Variants in PPARGC1A observed in about 807,000 individuals in gnomAD.
The protein encoded by PPARGC1A is peroxisome proliferator-activated receptor gamma coactivator 1-alpha.
PPARGC1A carries 25 observed loss-of-function variants against 88.7 expected under a neutral mutation model. That is an observed-to-expected ratio of 0.28 (90% CI 0.21 to 0.39). The LOEUF (loss-of-function observed/expected upper bound fraction) is 0.39, where lower values mean the gene tolerates loss of function less well. Ranked by LOEUF, PPARGC1A falls within the 10% of genes least tolerant of loss-of-function variation. The pLI is 1.00. For synonymous variants in PPARGC1A, 363 were observed against 355.6 expected, an observed-to-expected ratio of 1.02 and a Z score of -0.24; for missense variants, 880 against 968.7, an observed-to-expected ratio of 0.91 and a Z score of 1.22.
At chr4:23,893,564 T>C (rs1043129919), upstream of PPARGC1A, among the ~76,000 whole-genome samples, 5 of 152,306 alleles carry the variant, frequency 3.3e-5, no homozygotes, top group South Asian at 1.0e-3. Context: ...GAGATGTGTC[T>C]ACTGTGATAT....
At chr4:24,180,918 A>G in the PPARGC1A span, among the ~76,000 whole-genome samples, 3 of 152,224 alleles carry the variant, frequency 2.0e-5, no homozygotes, top group Non-Finnish European at 4.4e-5. Context: ...ATTTAAAGCC[A>G]TTCTTCCTGT....
the PPARGC1A span, among the ~76,000 whole-genome samples, chr4:24,222,759 A>G: frequency 6.6e-6 from 1 of 152,184 alleles, no homozygotes; most frequent in Non-Finnish European, 1.5e-5. Flanking sequence ...TCAGCCAAAG[A>G]CTAGAACTTT....
the PPARGC1A span, among the ~76,000 whole-genome samples, chr4:23,939,418 T>C: frequency 3.3e-5 from 5 of 152,248 alleles, no homozygotes; most frequent in East Asian, 9.6e-4. Flanking sequence ...TGTTTCACCT[T>C]ATTACCCTCT....
At chr4:24,370,628 C>A in the PPARGC1A span, among the ~76,000 whole-genome samples, 14 of 152,214 alleles carry the variant, frequency 9.2e-5, no homozygotes, top group South Asian at 2.3e-3. Flanking sequence ...CCAAGGCCAG[C>A]CACAAGGGAG....
At chr4:24,427,223 T>C in the PPARGC1A span, among the ~76,000 whole-genome samples, 1 of 152,192 alleles carries the variant, frequency 6.6e-6, no homozygotes, top group Non-Finnish European at 1.5e-5. Context: ...TGAGAGATTT[T>C]TGCATACTTA....
the PPARGC1A span, among the ~76,000 whole-genome samples, chr4:23,943,703 A>G: frequency 6.6e-6 from 1 of 152,172 alleles, no homozygotes; most frequent in Non-Finnish European, 1.5e-5. Flanking sequence ...GGGGATAAGG[A>G]GTGACTGTGC....
the PPARGC1A span, among the ~76,000 whole-genome samples, chr4:24,324,480 T>C: frequency 1.3e-5 from 2 of 152,218 alleles, no homozygotes; most frequent in Non-Finnish European, 1.5e-5. Context: ...CCCTTCACTA[T>C]GGATAAGCTT....
At chr4:23,801,339 T>G (rs150404368) in intron 12 of PPARGC1A, among the ~76,000 whole-genome samples, 362 of 151,976 alleles carry the variant, frequency 2.4e-3, no homozygotes, top group Non-Finnish European at 4.1e-3. Flanking sequence ...CATACATGTT[T>G]AATATTCACA....
chr4:24,149,648 T>TG, the PPARGC1A span, among the ~76,000 whole-genome samples: 3 of 152,182 alleles, frequency 2.0e-5, no homozygotes, highest in South Asian at 6.2e-4. Flanking sequence ...TCTCTTCTAA[T>TG]GGTCCAATAG....
chr4:23,989,919 T>A, the PPARGC1A span, among the ~76,000 whole-genome samples: 1 of 150,558 alleles, frequency 6.6e-6, no homozygotes, highest in African/African-American at 2.4e-5. Context: ...AAATTTTTTT[T>A]AATTAGCTTC....
At chr4:24,410,585 G>A in the PPARGC1A span, among the ~76,000 whole-genome samples, 3 of 152,206 alleles carry the variant, frequency 2.0e-5, no homozygotes, top group African/African-American at 7.2e-5. Context: ...TTAGGATGTT[G>A]CCAAAGGAGA....
At chr4:24,413,921 C>T in the PPARGC1A span, among the ~76,000 whole-genome samples, 1 of 152,092 alleles carries the variant, frequency 6.6e-6, no homozygotes, top group Non-Finnish European at 1.5e-5. Flanking sequence ...TACAACAACC[C>T]CTTGAGTCAA....
chr4:24,390,512 C>T, the PPARGC1A span, among the ~76,000 whole-genome samples: 41 of 152,070 alleles, frequency 2.7e-4, no homozygotes, highest in African/African-American at 9.6e-4. Context: ...TTTTTATATG[C>T]ATGTTATGCA....
At chr4:24,340,226 T>C in the PPARGC1A span, among the ~76,000 whole-genome samples, 10 of 152,214 alleles carry the variant, frequency 6.6e-5, no homozygotes, top group Non-Finnish European at 1.2e-4. Flanking sequence ...TATAGAGATA[T>C]AGCACTTTAT....
At chr4:24,232,514 T>A in the PPARGC1A span, among the ~76,000 whole-genome samples, 2 of 152,226 alleles carry the variant, frequency 1.3e-5, no homozygotes, top group African/African-American at 4.8e-5. Flanking sequence ...CTGATCAAAT[T>A]TGACTTGTAT....
intron 7 of PPARGC1A, among the ~76,000 whole-genome samples, chr4:23,815,649 C>G (rs550384198): frequency 3.9e-5 from 6 of 152,124 alleles, no homozygotes; most frequent in South Asian, 2.1e-4. Context: ...CCCAAGTAAG[C>G]CCTACTCATC....
the PPARGC1A span, among the ~76,000 whole-genome samples, chr4:24,105,575 G>A: frequency 1.1e-4 from 17 of 152,228 alleles, no homozygotes; most frequent in Admixed American, 3.9e-4. Flanking sequence ...GTCTGGAGTC[G>A]TGCCCAGAAC....
chr4:24,152,545 A>G, the PPARGC1A span, among the ~76,000 whole-genome samples: 1 of 152,236 alleles, frequency 6.6e-6, no homozygotes, highest in Non-Finnish European at 1.5e-5. Context: ...CAGGAGCTAC[A>G]TTTGGCCAAT....
chr4:24,397,367 T>C, the PPARGC1A span, among the ~76,000 whole-genome samples: 1 of 152,198 alleles, frequency 6.6e-6, no homozygotes, highest in Non-Finnish European at 1.5e-5. Flanking sequence ...TATAATGTAC[T>C]ATGATCCTCC....
Sources: allele counts gnomAD v4.1 joint callset (sites outside exome capture counted in the v4.1 genomes callset), GRCh38; gene constraint gnomAD v4.1.1; transcripts MANE v1.5; gene names NCBI Gene and HGNC (gene_info 2026-07-23, HGNC 2026-07-21).